The following CHST8 variants were observed in gnomAD, a reference collection of about 807,000 sequenced individuals.
The protein encoded by CHST8 is GALNAC-4-ST1.
In CHST8, 10 loss-of-function variants were observed where a neutral mutation model predicts 15.0. That is an observed-to-expected ratio of 0.67 (90% CI 0.41 to 1.13). The LOEUF (loss-of-function observed/expected upper bound fraction) is 1.13. Ranked by LOEUF, CHST8 falls within the 50% of genes most tolerant of loss-of-function variation. The probability of loss-of-function intolerance (pLI) is 0.00; values close to 1 mark genes in which losing one functional copy is unlikely to be tolerated. For synonymous variants in CHST8, 259 were observed against 256.6 expected, an observed-to-expected ratio of 1.01 and a Z score of -0.09; for missense variants, 634 against 608.2, an observed-to-expected ratio of 1.04 and a Z score of -0.45.
chr19:33,668,834 G>A lies in CHST8; in HGVS notation c.-87+991G>A, dbSNP rs372288207. On this transcript the variant is annotated intron_variant, in intron 2 of 4. Coordinates refer to ENST00000650847, the MANE Select transcript of CHST8 (RefSeq NM_001127895.2). Reference sequence around the variant, plus strand: ...CTCGTATTAGGATATATGGACTCTCGTGCGTGTGTGTCGCCATTTATACTG... The same window carrying A: ...CTCGTATTAGGATATATGGACTCTCATGCGTGTGTGTCGCCATTTATACTG... Among the ~76,000 whole-genome samples, 7 of 152,184 alleles carry A rather than the reference G, an allele frequency of 4.6e-5. No individual in the cohort carries two copies. In the East Asian group the frequency reaches 5.8e-4, roughly 13 times the overall value.
chr19:33,742,555 C>A (rs1462620975), intron 3 of CHST8, among the ~76,000 whole-genome samples: 2 of 152,138 alleles, frequency 1.3e-5, no homozygotes, highest in Non-Finnish European at 2.9e-5. Flanking sequence ...GGCTGCACCC[C>A]CATGACTGAA....
At chr19:33,684,830 G>A (rs912476626) in intron 2 of CHST8, 2 of 152,212 alleles carry the variant, frequency 1.3e-5, no homozygotes, top group Non-Finnish European at 2.9e-5. Flanking sequence ...CTGCCACCGC[G>A]GCAGAAGGCA....
chr19:33,716,241 T>G (rs994775027), intron 3 of CHST8, among the ~76,000 whole-genome samples: 1 of 152,246 alleles, frequency 6.6e-6, no homozygotes, highest in African/African-American at 2.4e-5. Context: ...ATTATTTCTG[T>G]TTCCTCTGAT....
intron 3 of CHST8, among the ~76,000 whole-genome samples, chr19:33,735,340 T>G (rs1333741020): frequency 6.6e-6 from 1 of 152,152 alleles, no homozygotes; most frequent in Admixed American, 6.5e-5. Flanking sequence ...ACTCACAGAT[T>G]GATGGGGAAG....
chr19:33,757,492 A>C lies in CHST8; in HGVS notation c.131-13921A>C, dbSNP rs1462332748. Among the ~76,000 whole-genome samples the C allele has an allele frequency of 9.6e-5, 5 of 52,276 alleles. 1 individual carries two copies. The highest frequency in any genetic ancestry group is 1.2e-4 in the Non-Finnish European group (3 of 25,842). The allele number at this position is 52,276 out of a possible 152,430, so 34.3% of individuals were successfully genotyped here. On this transcript the variant is annotated intron_variant, in intron 3 of 4. Transcript: ENST00000650847. ...AAAGAAAGAAAGAAAGAAAGAAAGA[A>C]AGAAAGAAAGAAAGAAAGAAAGAAA...
chr19:33,764,691 T>A (rs1974797769), intron 3 of CHST8, among the ~76,000 whole-genome samples: 1 of 152,166 alleles, frequency 6.6e-6, no homozygotes, highest in African/African-American at 2.4e-5. Flanking sequence ...GGGCCCTTTT[T>A]AAAAACATTT....
At chr19:33,657,777 C>T (rs1046194349) in intron 1 of CHST8, among the ~76,000 whole-genome samples, 1 of 151,598 alleles carries the variant, frequency 6.6e-6, no homozygotes, top group African/African-American at 2.4e-5. Flanking sequence ...CACTATATTG[C>T]CCAGGCTGGT....
chr19:33,638,685 T>C (rs1972238957), intron 1 of CHST8, among the ~76,000 whole-genome samples: 1 of 152,190 alleles, frequency 6.6e-6, no homozygotes. Context: ...AGTTAAGGCT[T>C]CATCCTGCTG....
intron 3 of CHST8, among the ~76,000 whole-genome samples, chr19:33,745,497 A>G (rs1001837912): frequency 6.6e-6 from 1 of 152,312 alleles, no homozygotes; most frequent in African/African-American, 2.4e-5. Flanking sequence ...TTCAACCCTA[A>G]CATTTCATCT....
intron 1 of CHST8, among the ~76,000 whole-genome samples, chr19:33,636,508 A>G (rs1972204599): frequency 6.6e-6 from 1 of 152,158 alleles, no homozygotes; most frequent in African/African-American, 2.4e-5. Context: ...TAGAAGTGTT[A>G]CAGGAAAGGG....
At position 33,648,038 on chromosome 19, in the gene CHST8, G is replaced by T. The variant is rs563009037; in HGVS notation, c.-163-19729G>T. On this transcript the variant is annotated intron_variant, in intron 1 of 4. Transcript: ENST00000650847. ...AACAGGTAGTTCAGAGGGGAGAACT[G>T]TTTGAGCCCAGTCCTTGAGAAGCTT... Among the ~76,000 whole-genome samples, 7 of 152,072 alleles carry T rather than the reference G, an allele frequency of 4.6e-5. No individual in the cohort carries two copies. The South Asian group carries it at 1.5e-3, about 32-fold the overall frequency.
At chr19:33,691,076 G>C (rs1568329778) in intron 3 of CHST8, among the ~76,000 whole-genome samples, 1 of 152,198 alleles carries the variant, frequency 6.6e-6, no homozygotes, top group Non-Finnish European at 1.5e-5. Flanking sequence ...TCCTGGATGG[G>C]ACTGTGGTTT....
chr19:33,712,222 C>T (rs527587426), intron 3 of CHST8, among the ~76,000 whole-genome samples: 7 of 152,328 alleles, frequency 4.6e-5, no homozygotes, highest in South Asian at 4.1e-4. Flanking sequence ...AATCACTTCC[C>T]GTTCACCCGA....
intron 3 of CHST8, among the ~76,000 whole-genome samples, chr19:33,767,490 G>A (rs574813032): frequency 2.0e-5 from 3 of 152,310 alleles, no homozygotes; most frequent in East Asian, 1.9e-4. Flanking sequence ...TCAGCTAAAC[G>A]CTGAGAACTT....
intron 3 of CHST8, among the ~76,000 whole-genome samples, chr19:33,703,534 C>T (rs1281020389): frequency 1.3e-5 from 2 of 152,182 alleles, no homozygotes; most frequent in East Asian, 1.9e-4. Flanking sequence ...ATGCGTGGGT[C>T]GGTAGGGGCG....
chr19:33,628,787 G>C (rs954835090), intron 1 of CHST8, among the ~76,000 whole-genome samples: 4 of 152,176 alleles, frequency 2.6e-5, no homozygotes, highest in South Asian at 2.1e-4. Flanking sequence ...GTCTAAACTG[G>C]TACCTGGCTG....
chr19:33,637,277 A>T (rs565946433), intron 1 of CHST8, among the ~76,000 whole-genome samples: 6 of 152,140 alleles, frequency 3.9e-5, no homozygotes, highest in Admixed American at 2.0e-4. Flanking sequence ...ACCATCTGGG[A>T]ATGCAGCCCA....
intron 2 of CHST8, 124 bp downstream of exon 2, chr19:33,667,967 T>C (rs1311195354): frequency 6.6e-6 from 1 of 152,196 alleles, no homozygotes; most frequent in Non-Finnish European, 1.5e-5. Flanking sequence ...CGTAGATTTA[T>C]GCCCTTGTGT....
chr19:33,695,904 C>A (rs527771546), intron 3 of CHST8, among the ~76,000 whole-genome samples: 1 of 145,370 alleles, frequency 6.9e-6, no homozygotes, highest in Non-Finnish European at 1.5e-5. Flanking sequence ...CAGCTCACTG[C>A]AACCTCCACC....
Sources: allele counts gnomAD v4.1 joint callset (sites outside exome capture counted in the v4.1 genomes callset), GRCh38; gene constraint gnomAD v4.1.1; transcripts MANE v1.5; gene names NCBI Gene and HGNC (gene_info 2026-07-23, HGNC 2026-07-21).